COL21A1: variants seen among roughly 807,000 people sequenced by gnomAD.
COL21A1 encodes the protein collagen alpha-1(XXI) chain.
COL21A1 carries 149 observed loss-of-function variants against 137.9 expected under a neutral mutation model. The observed-to-expected ratio is 1.08, with a 90% CI of 0.95 to 1.24. The LOEUF (loss-of-function observed/expected upper bound fraction) is 1.24, where lower values mean the gene tolerates loss of function less well. Ranked by LOEUF, COL21A1 falls within the 50% of genes most tolerant of loss-of-function variation. The pLI is 0.00. For synonymous variants in COL21A1, 456 were observed against 391.5 expected (o/e 1.16, Z -1.95); for missense variants, 1,167 against 1,158.4 (o/e 1.01, Z -0.11).
At chr6:56,179,256 T>C (rs1777715975) in intron 3 of COL21A1, among the ~76,000 whole-genome samples, 1 of 152,098 alleles carries the variant, frequency 6.6e-6, no homozygotes. Context: ...ATATATATTT[T>C]TATTCTTTGT....
chr6:56,231,013 T>G (rs1169324242), intron 1 of COL21A1: 1 of 151,926 alleles, frequency 6.6e-6, no homozygotes, highest in Non-Finnish European at 1.5e-5. Context: ...GCCAGCCTTT[T>G]GTTTCTACAG....
rs139330766 is a variant in COL21A1, at chr6:56,128,732, G to A, written c.1543-2583C>T. ...TGAAGTGGTGTGATCGCGGCTCACT[G>A]CAACCTCTGCCCCCCAGGCTCAGGT... On this transcript the variant is annotated intron_variant, in intron 12 of 29. Coordinates refer to ENST00000244728, the MANE Select transcript of COL21A1 (RefSeq NM_030820.4). 7.1e-3 allele frequency among the ~76,000 whole-genome samples: 1,076 copies of A among 152,268 alleles called. 14 individuals are homozygous for A. The highest frequency in any genetic ancestry group is 0.024 in the African/African-American group (1,003 of 41,532).
At chr6:56,276,816 G>GT (rs141389271) in intron 1 of COL21A1, 175,912 of 740,416 alleles carry the variant, frequency 0.24, 10,990 homozygotes, top group Non-Finnish European at 0.27. Context: ...TGTTTTTTTT[G>GT]TTTTTTTTTT....
At chr6:56,252,677 G>T (rs1352391513) in intron 1 of COL21A1, among the ~76,000 whole-genome samples, 1 of 151,974 alleles carries the variant, frequency 6.6e-6, no homozygotes, top group African/African-American at 2.4e-5. Context: ...GTTTAGCTTG[G>T]GTCACCTATT....
At chr6:56,213,315 C>T (rs1467028821) in intron 1 of COL21A1, among the ~76,000 whole-genome samples, 5 of 152,050 alleles carry the variant, frequency 3.3e-5, no homozygotes, top group African/African-American at 1.2e-4. Context: ...CTTACATTAT[C>T]CATGATTACC....
chr6:56,060,763 T>C lies in COL21A1; in HGVS notation c.2385A>G (p.Gln795=). ...GREFSEQFIR[Q]VCTDVIRAQL... ...TACCTCTTATTACATCTGTGCAAAC[T>C]TGTCGAATAAATTGTTCTGAAAACT... The change falls in exon 27 of 30, where the codon CAA becomes CAG. Residue 795 remains glutamine, a synonymous_variant. Transcript: ENST00000244728. 6.2e-7 allele frequency: 1 copy of C among 1,609,946 alleles called. No homozygotes were observed. Among genetic ancestry groups the C allele is most frequent in the Non-Finnish European group, 8.5e-7 (1 of 1,178,896 alleles).
intron 1 of COL21A1, among the ~76,000 whole-genome samples, chr6:56,377,513 C>T (rs968173223): frequency 2.0e-5 from 3 of 152,142 alleles, no homozygotes; most frequent in African/African-American, 7.2e-5. Flanking sequence ...TGACATTCAC[C>T]TATAGAGAGA....
chr6:56,161,674 A>G (rs1411989563), intron 9 of COL21A1, among the ~76,000 whole-genome samples: 3 of 152,186 alleles, frequency 2.0e-5, no homozygotes, highest in Non-Finnish European at 4.4e-5. Context: ...ATCATTAGGG[A>G]TAAAAAATAA....
chr6:56,167,383 A>G (rs1776671813), intron 6 of COL21A1, among the ~76,000 whole-genome samples: 1 of 152,200 alleles, frequency 6.6e-6, no homozygotes. Context: ...GGTCTTCGCT[A>G]TTTAGTTGCT....
intron 1 of COL21A1, among the ~76,000 whole-genome samples, chr6:56,256,518 A>T (rs951984521): frequency 6.6e-5 from 10 of 152,160 alleles, no homozygotes; most frequent in African/African-American, 2.4e-4. Flanking sequence ...AAAACTTGAT[A>T]AGCAAATACT....
At chr6:56,147,872 C>G (rs575429731) in intron 10 of COL21A1, among the ~76,000 whole-genome samples, 1 of 152,132 alleles carries the variant, frequency 6.6e-6, no homozygotes, top group African/African-American at 2.4e-5. Context: ...ACTCCGCAAG[C>G]CTGAGAGCTA....
intron 1 of COL21A1, among the ~76,000 whole-genome samples, chr6:56,362,492 T>C (rs1309296533): frequency 6.6e-6 from 1 of 152,212 alleles, no homozygotes; most frequent in African/African-American, 2.4e-5. Flanking sequence ...ATATTGAGAC[T>C]TTTACTAAAT....
chr6:56,305,924 G>T (rs760311921), intron 1 of COL21A1, among the ~76,000 whole-genome samples: 1 of 151,430 alleles, frequency 6.6e-6, no homozygotes, highest in African/African-American at 2.4e-5. Context: ...TTTTAGTGCA[G>T]GCCTGGTGGT....
chr6:56,071,744 A>G (rs1766772999), intron 20 of COL21A1, among the ~76,000 whole-genome samples: 1 of 151,642 alleles, frequency 6.6e-6, no homozygotes, highest in Non-Finnish European at 1.5e-5. Context: ...ACTGAAATTC[A>G]CAGACATGAG....
upstream of COL21A1, among the ~76,000 whole-genome samples, chr6:56,248,542 C>A (rs2152328558): frequency 6.6e-6 from 1 of 152,316 alleles, no homozygotes; most frequent in South Asian, 2.1e-4. Flanking sequence ...TCCTATCCAA[C>A]TCAAGGTATG....
At chr6:56,377,564 C>T (rs994950816) in intron 1 of COL21A1, among the ~76,000 whole-genome samples, 2 of 152,182 alleles carry the variant, frequency 1.3e-5, no homozygotes, top group Non-Finnish European at 2.9e-5. Flanking sequence ...TCACCATTTT[C>T]AGTGGTGGGA....
At chr6:56,252,299 G>A (rs1782872225), upstream of COL21A1, among the ~76,000 whole-genome samples, 1 of 152,162 alleles carries the variant, frequency 6.6e-6, no homozygotes, top group Non-Finnish European at 1.5e-5. Context: ...GGCCTGGATG[G>A]AGGAGTCTTT....
chr6:56,240,876 T>A (rs1338008073), intron 1 of COL21A1, among the ~76,000 whole-genome samples: 1 of 152,156 alleles, frequency 6.6e-6, no homozygotes, highest in Non-Finnish European at 1.5e-5. Flanking sequence ...TGACACATAA[T>A]TTAGATTATA....
Position 56,060,043 on chromosome 6 carries a change from T to A in COL21A1, c.2583A>T (p.Gly861=). 6.2e-7 allele frequency: 1 copy of A among 1,606,610 alleles called. No individual in the cohort carries two copies. Among genetic ancestry groups the A allele is most frequent in the Non-Finnish European group, 8.5e-7 (1 of 1,177,734 alleles). ...DGVPGLVGVP[G]RPGVRGLKGL... ...CTTTTAATCCTCTGACACCTGGACG[T>A]CCAGGGACACCCACTAATCCAGGAA... The change falls in exon 28 of 30, where the codon GGA becomes GGT. Residue 861 remains glycine, a synonymous_variant. Coordinates refer to ENST00000244728, the MANE Select transcript of COL21A1 (RefSeq NM_030820.4).
Sources: allele counts gnomAD v4.1 joint callset (sites outside exome capture counted in the v4.1 genomes callset), GRCh38; gene constraint gnomAD v4.1.1; transcripts MANE v1.5; gene names NCBI Gene and HGNC (gene_info 2026-07-23, HGNC 2026-07-21).